The following WLS variants were observed in gnomAD, a reference collection of about 807,000 sequenced individuals.
The protein encoded by WLS is protein wntless homolog.
Under a neutral mutation model 62.8 loss-of-function variants are expected in WLS, and 23 were observed. That is an observed-to-expected ratio of 0.37 (90% CI 0.26 to 0.52). WLS has a LOEUF of 0.52. WLS is among the 20% of genes least tolerant of loss of function. The pLI is 0.92. For synonymous variants in WLS, 246 were observed against 244.1 expected (o/e 1.01, Z -0.07); for missense variants, 615 against 697.3 (o/e 0.88, Z 1.33).
chr1:68,195,644 G>T (rs1183003153), intron 1 of WLS, among the ~76,000 whole-genome samples: 3 of 152,080 alleles, frequency 2.0e-5, no homozygotes, highest in African/African-American at 7.2e-5. Context: ...CTTTCCATCT[G>T]CTATCTAAAT....
intron 2 of WLS, among the ~76,000 whole-genome samples, chr1:68,183,204 A>G (rs60072883): frequency 0.16 from 24,935 of 152,180 alleles, 2,294 homozygotes; most frequent in East Asian, 0.34. Context: ...AATGTTAGAT[A>G]GTTTTAACAC....
At chr1:68,202,142 T>C (rs1164869101) in intron 1 of WLS, 1 of 152,186 alleles carries the variant, frequency 6.6e-6, no homozygotes, top group Non-Finnish European at 1.5e-5. Flanking sequence ...TGGAGGAGCA[T>C]TGGAACCAAG....
chr1:68,119,972 T>TG (rs1290219708), intron 11 of WLS, among the ~76,000 whole-genome samples: 10 of 152,316 alleles, frequency 6.6e-5, no homozygotes, highest in African/African-American at 2.4e-4. Context: ...GGAGCCACCT[T>TG]GGGGATCTTA....
chr1:68,125,858 T>A lies in WLS; in HGVS notation c.*368A>T. ...CCTAGAATTTAAAACAGGAAAAATG[T>A]CAAATATTCCACTCCCCATTCGGCC... On this transcript the variant is annotated 3_prime_UTR_variant, in exon 12 of 12. Coordinates refer to ENST00000262348, the MANE Select transcript of WLS (RefSeq NM_024911.7). 1 of 1,024,978 alleles carries A rather than the reference T, an allele frequency of 9.8e-7. No homozygotes were observed. The highest frequency in any genetic ancestry group is 1.2e-6 in the Non-Finnish European group (1 of 855,156). The allele number at this position is 1,024,978 out of a possible 1,614,324, so 63.5% of individuals were successfully genotyped here. A position where few individuals can be genotyped will look rare whatever the true frequency, so the allele number is the denominator to read the frequency against.
At chr1:68,115,237 C>T (rs1398754435) in intron 11 of WLS, among the ~76,000 whole-genome samples, 1 of 152,236 alleles carries the variant, frequency 6.6e-6, no homozygotes, top group Non-Finnish European at 1.5e-5. Context: ...GCTTAACCCT[C>T]TCCCTCTCAG....
intron 2 of WLS, among the ~76,000 whole-genome samples, chr1:68,184,909 G>T (rs1336496683): frequency 6.6e-6 from 1 of 151,762 alleles, no homozygotes; most frequent in African/African-American, 2.4e-5. Flanking sequence ...CCATTTAGAA[G>T]TTGAACTCCG....
chr1:68,179,651 AGAAGCT>A (rs760662131), intron 2 of WLS, among the ~76,000 whole-genome samples: 15 of 152,234 alleles, frequency 9.9e-5, no homozygotes, highest in Non-Finnish European at 2.2e-4. Context: ...GAAAATGCTG[AGAAGCT>A]GGAGGGTCTG....
chr1:68,100,207 T>TCA (rs1290544852), intron 11 of WLS, among the ~76,000 whole-genome samples: 3 of 152,188 alleles, frequency 2.0e-5, no homozygotes, highest in Non-Finnish European at 4.4e-5. Context: ...GGGGCCAAGC[T>TCA]CACATATTAG....
At chr1:68,165,588 G>T (rs1397303071) in intron 2 of WLS, among the ~76,000 whole-genome samples, 1 of 152,182 alleles carries the variant, frequency 6.6e-6, no homozygotes, top group Non-Finnish European at 1.5e-5. Context: ...GCTGCTATTT[G>T]TTGGAAGATA....
intron 11 of WLS, among the ~76,000 whole-genome samples, chr1:68,113,834 C>A (rs1252390960): frequency 1.3e-5 from 2 of 152,218 alleles, no homozygotes; most frequent in Non-Finnish European, 1.5e-5. Context: ...ATCCCACAAG[C>A]TGTCCTACAG....
At chr1:68,156,357 T>G (rs956566966) in intron 3 of WLS, among the ~76,000 whole-genome samples, 1 of 152,140 alleles carries the variant, frequency 6.6e-6, no homozygotes, top group African/African-American at 2.4e-5. Context: ...AGAGCAAAGA[T>G]CCACTGAAGA....
chr1:68,180,404 G>C (rs752581308), intron 2 of WLS, among the ~76,000 whole-genome samples: 2 of 152,110 alleles, frequency 1.3e-5, no homozygotes, highest in African/African-American at 2.4e-5. Flanking sequence ...AATGGGCAAA[G>C]CAAGATGTTG....
At chr1:68,174,402 C>T (rs992587591) in intron 2 of WLS, among the ~76,000 whole-genome samples, 2 of 152,324 alleles carry the variant, frequency 1.3e-5, no homozygotes, top group Admixed American at 6.5e-5. Flanking sequence ...CTTGATCAAT[C>T]AGCCAGGACA....
chr1:68,145,794 G>A, intron 9 of WLS, 75 bp downstream of exon 9: 1 of 1,569,650 alleles, frequency 6.4e-7, no homozygotes, highest in South Asian at 1.2e-5. Context: ...CTATCTCCAG[G>A]GTGTGTGTGT....
At position 68,125,465 on chromosome 1, in the gene WLS, AAAAT is replaced by A; in HGVS notation, c.*757_*760del. 1.0e-6 allele frequency: 1 copy of A among 985,440 alleles called. No homozygotes were observed. The highest frequency in any genetic ancestry group is 1.2e-6 in the Non-Finnish European group (1 of 829,934). The allele number at this position is 985,440 out of a possible 1,614,324, so 61.0% of individuals were successfully genotyped here. On this transcript the variant is annotated 3_prime_UTR_variant, in exon 12 of 12. Coordinates refer to ENST00000262348, the MANE Select transcript of WLS (RefSeq NM_024911.7). Reference sequence around the variant, plus strand: ...TGGAGGCTATTTGAAGTATCTTATCAAAATAAAACGCATTTTAAGCAAGAAGTTA... The same window carrying A: ...TGGAGGCTATTTGAAGTATCTTATCAAAAACGCATTTTAAGCAAGAAGTTA...
At chr1:68,155,296 T>C (rs1390267676) in intron 3 of WLS, 36 bp from the exon 4 acceptor site, 6 of 1,585,688 alleles carry the variant, frequency 3.8e-6, no homozygotes, top group Non-Finnish European at 5.1e-6. Context: ...GCAGGGTCAC[T>C]ATTTCCAATA....
intron 2 of WLS, among the ~76,000 whole-genome samples, chr1:68,179,043 C>T (rs1647400259): frequency 1.3e-5 from 2 of 152,180 alleles, no homozygotes; most frequent in Admixed American, 6.5e-5. Context: ...AGTACACCAA[C>T]CCTGTCTGCC....
At chr1:68,225,244 C>T (rs1373589470) in intron 1 of WLS, among the ~76,000 whole-genome samples, 2 of 152,012 alleles carry the variant, frequency 1.3e-5, no homozygotes, top group Non-Finnish European at 2.9e-5. Flanking sequence ...ATAAATTATA[C>T]ATCATTATTT....
intron 11 of WLS, 91 bp downstream of exon 11, chr1:68,137,689 T>C (rs940041140): frequency 2.8e-6 from 4 of 1,418,674 alleles, no homozygotes; most frequent in Non-Finnish European, 3.8e-6. Context: ...AAAGTTTCAC[T>C]GGGCATCTCA....
Sources: gnomAD v4.1 joint callset for allele counts (sites outside exome capture counted in the v4.1 genomes callset) on GRCh38, gnomAD v4.1.1 for gene constraint, MANE v1.5 for transcripts, NCBI Gene and HGNC (gene_info 2026-07-23, HGNC 2026-07-21) for gene names.